Variants in FMO2 observed in about 807,000 individuals in gnomAD.
The protein encoded by FMO2 is flavin containing dimethylaniline monoxygenase 2.
A neutral mutation model predicts 41.6 loss-of-function variants in FMO2; 33 were observed. The observed-to-expected ratio is 0.79, with a 90% CI of 0.60 to 1.06. The LOEUF is 1.06. Ranked by LOEUF, FMO2 falls within the 50% of genes least tolerant of loss-of-function variation. The pLI, the probability that FMO2 is intolerant of heterozygous loss-of-function variation, is 0.00. For synonymous variants in FMO2, 214 were observed against 219.6 expected, an observed-to-expected ratio of 0.97 and a Z score of 0.23; for missense variants, 619 against 632.9, an observed-to-expected ratio of 0.98 and a Z score of 0.23.
intron 2 of FMO2, among the ~76,000 whole-genome samples, chr1:171,188,055 G>A (rs936391240): frequency 2.5e-5 from 1 of 39,412 alleles, no homozygotes; most frequent in African/African-American, 7.2e-5. Context: ...TTTTTTTTTT[G>A]CTCCCAGGTA....
chr1:171,209,409 T>C lies in FMO2; in HGVS notation c.*264T>C, dbSNP rs1658894530. The C allele has an allele frequency of 3.2e-6, 1 of 307,900 alleles. No individual in the cohort carries two copies. The highest frequency in any genetic ancestry group is 5.3e-5 in the East Asian group (1 of 18,758). 19.1% of individuals were successfully genotyped at this position (307,900 alleles called of 1,614,324 possible). Reference sequence around the variant, plus strand: ...TAAAATAAAATAAGACTGGCTCAGGTAAGTAGTGCTGCCAACCCTGATATA... The same window carrying C: ...TAAAATAAAATAAGACTGGCTCAGGCAAGTAGTGCTGCCAACCCTGATATA... On this transcript the variant is annotated 3_prime_UTR_variant, in exon 9 of 9. Coordinates refer to ENST00000209929, the MANE Select transcript of FMO2 (RefSeq NM_001460.5).
chr1:171,195,056 A>C (rs7556113), intron 3 of FMO2, among the ~76,000 whole-genome samples: 60,532 of 152,162 alleles, frequency 0.4, 12,850 homozygotes, highest in East Asian at 0.55. Flanking sequence ...TTTTTATGAT[A>C]AATAACTTCT....
chr1:171,203,363 T>C (rs1288611253), intron 5 of FMO2, among the ~76,000 whole-genome samples: 1 of 140,088 alleles, frequency 7.1e-6, no homozygotes, highest in African/African-American at 2.7e-5. Context: ...ACACACAAAA[T>C]AAAGTCTTTT....
intron 8 of FMO2, 82 bp from the exon 9 acceptor site, chr1:171,208,712 T>C: frequency 7.7e-7 from 1 of 1,294,120 alleles, no homozygotes; most frequent in Non-Finnish European, 1.1e-6. Context: ...ATTCCTTCAT[T>C]CCTTTAGCAG....
At chr1:171,203,431 A>G (rs1036455819) in intron 5 of FMO2, among the ~76,000 whole-genome samples, 1 of 152,182 alleles carries the variant, frequency 6.6e-6, no homozygotes, top group Admixed American at 6.5e-5. Context: ...ATTCAGATGC[A>G]TATACACTTA....
rs1181347364 is a variant in FMO2 at position 171,211,239 on chromosome 1, C to T, written c.*2094C>T. The T allele has an allele frequency of 6.6e-6, 1 of 152,186 alleles. No homozygotes were observed. Among genetic ancestry groups the T allele is most frequent in the Non-Finnish European group, 1.5e-5 (1 of 68,034 alleles). The allele number at this position is 152,186 out of a possible 1,614,324, so 9.4% of individuals were successfully genotyped here. On this transcript the variant is annotated 3_prime_UTR_variant, in exon 9 of 9. Transcript: ENST00000209929. ...AAAATTTTATAATAGTACACAGCCA[C>T]ACTCATTCATTTATTTTCTGTGGTT...
At chr1:171,192,640 C>A (rs1658127755) in intron 2 of FMO2, among the ~76,000 whole-genome samples, 1 of 151,898 alleles carries the variant, frequency 6.6e-6, no homozygotes, top group African/African-American at 2.4e-5. Context: ...GTGGCAGGCA[C>A]CTGTAGTCCC....
intron 2 of FMO2, among the ~76,000 whole-genome samples, chr1:171,186,985 G>A (rs372583060): frequency 9.9e-5 from 15 of 152,142 alleles, no homozygotes; most frequent in Non-Finnish European, 2.2e-4. Context: ...GATAAGTTCC[G>A]GACTCATAGA....
At chr1:171,193,617 A>C in intron 3 of FMO2, 94 bp downstream of exon 3, 1 of 816,432 alleles carries the variant, frequency 1.2e-6, no homozygotes, top group South Asian at 1.6e-5. Context: ...ATTATGAATG[A>C]AGTATCCCAT....
intron 2 of FMO2, 53 bp from the exon 3 acceptor site, chr1:171,193,280 AAC>A: frequency 7.1e-7 from 1 of 1,405,610 alleles, no homozygotes; most frequent in Non-Finnish European, 9.8e-7. Flanking sequence ...AAGAGTAAAA[AAC>A]AAAAAATTTT....
intron 3 of FMO2, among the ~76,000 whole-genome samples, chr1:171,194,900 A>G (rs7555945): frequency 0.016 from 2,396 of 152,336 alleles, 76 homozygotes; most frequent in African/African-American, 0.054. Flanking sequence ...TTGTATTTAT[A>G]AATTCCATTA....
chr1:171,201,090 C>G (rs1309907655), intron 5 of FMO2, among the ~76,000 whole-genome samples: 1 of 152,174 alleles, frequency 6.6e-6, no homozygotes, highest in Non-Finnish European at 1.5e-5. Flanking sequence ...TATTAAGAAA[C>G]TACCTTGGCT....
At chr1:171,196,269 A>G (rs1226084731) in intron 3 of FMO2, among the ~76,000 whole-genome samples, 1 of 152,238 alleles carries the variant, frequency 6.6e-6, no homozygotes, top group Non-Finnish European at 1.5e-5. Context: ...GGGTGATGCC[A>G]GTCTGAGATT....
chr1:171,193,584 A>T (rs1430700993), intron 3 of FMO2, 61 bp downstream of exon 3: 3 of 1,091,748 alleles, frequency 2.7e-6, no homozygotes, highest in Non-Finnish European at 4.0e-6. Context: ...TTAGATAGAA[A>T]AGTTACTCTG....
chr1:171,186,085 A>G (rs1434233889), intron 2 of FMO2: 3 of 354,748 alleles, frequency 8.5e-6, no homozygotes, highest in Non-Finnish European at 5.2e-6. Context: ...GGATTCAGCA[A>G]TTGTCTTACA....
At chr1:171,190,342 GA>G (rs553339530) in intron 2 of FMO2, among the ~76,000 whole-genome samples, 9 of 152,074 alleles carry the variant, frequency 5.9e-5, no homozygotes, top group Admixed American at 2.6e-4. Context: ...TATATTAGAA[GA>G]ATTCTTTATT....
rs1366862501 is a variant in FMO2, at chr1:171,211,045, A to G, written c.*1900A>G. 1.3e-5 allele frequency: 2 copies of G among 152,178 alleles called. No individual in the cohort carries two copies. The highest frequency in any genetic ancestry group is 3.8e-4 in the East Asian group (2 of 5,206). The allele number at this position is 152,178 out of a possible 1,614,324, so 9.4% of individuals were successfully genotyped here. A position where few individuals can be genotyped will look rare whatever the true frequency, so the allele number is the denominator to read the frequency against. ...GTTTTAAAATAATTGTAAATGAGGT[A>G]TATACTTAGTTCTTGGTTAAAAAAT... On this transcript the variant is annotated 3_prime_UTR_variant, in exon 9 of 9. Coordinates refer to ENST00000209929, the MANE Select transcript of FMO2 (RefSeq NM_001460.5).
chr1:171,202,495 C>G (rs1190442228), intron 5 of FMO2, among the ~76,000 whole-genome samples: 1 of 152,194 alleles, frequency 6.6e-6, no homozygotes, highest in African/African-American at 2.4e-5. Context: ...TATGAAACTC[C>G]TCTCTTCCAG....
chr1:171,207,928 C>T (rs1459106666), intron 8 of FMO2, 138 bp downstream of exon 8: 8 of 620,804 alleles, frequency 1.3e-5, no homozygotes, highest in Middle Eastern at 2.7e-4. Context: ...TCAGAAACTC[C>T]GTGTGTGAGG....
Sources: allele counts gnomAD v4.1 joint callset (sites outside exome capture counted in the v4.1 genomes callset), GRCh38; gene constraint gnomAD v4.1.1; transcripts MANE v1.5; gene names NCBI Gene and HGNC (gene_info 2026-07-23, HGNC 2026-07-21).